Variants in FAM167A observed in about 807,000 individuals in gnomAD.
The protein encoded by FAM167A is family with sequence similarity 167 member A.
In FAM167A, 23 loss-of-function variants were observed where a neutral mutation model predicts 14.9. The observed-to-expected ratio is 1.55, with a 90% CI of 1.11 to 2.19. The LOEUF (loss-of-function observed/expected upper bound fraction) is 2.19. Among genes scored for constraint, FAM167A ranks in the 30% most tolerant of loss-of-function variants. The probability of loss-of-function intolerance (pLI) is 0.00; values close to 1 mark genes in which losing one functional copy is unlikely to be tolerated. For synonymous variants in FAM167A, 174 were observed against 117.7 expected (o/e 1.48, Z -3.10); for missense variants, 401 against 281.5 (o/e 1.42, Z -3.04).
chr8:11,438,737 G>C (rs1328969021), intron 2 of FAM167A: 5 of 352,948 alleles, frequency 1.4e-5, no homozygotes, highest in African/African-American at 1.1e-4. Context: ...AATAGAACAG[G>C]AATCTTCCTC....
chr8:11,421,771 C>T lies in FAM167A; in HGVS notation c.*2602G>A. On this transcript the variant is annotated 3_prime_UTR_variant, in exon 3 of 3. Coordinates refer to ENST00000284486, the MANE Select transcript of FAM167A (RefSeq NM_053279.3). ...TACACCCAGCGATGCTTGGGGATGGCAGAGAGATGGATGGATAATGAGTAC... is the reference window on the plus strand; with the variant it reads ...TACACCCAGCGATGCTTGGGGATGGTAGAGAGATGGATGGATAATGAGTAC... The T allele has an allele frequency of 1.5e-5, 6 of 398,894 alleles. No homozygotes were observed. The highest frequency in any genetic ancestry group is 1.3e-3 in the Middle Eastern group (2 of 1,588). The allele number at this position is 398,894 out of a possible 1,614,324, so 24.7% of individuals were successfully genotyped here.
At position 11,473,834 on chromosome 8, in the gene FAM167A, G is replaced by C. The variant is rs151004188; in HGVS notation, c.-398+2032C>G. The stretch of plus-strand genomic sequence containing the variant: ...GACAGGGAGTAGCACACAGGGAATG[G>C]TGGTTTTTTTGTTTGTTTCTTTTTC... On this transcript the variant is annotated intron_variant, in intron 1 of 1. Transcript: ENST00000648766. Among the ~76,000 whole-genome samples, 5 of 152,138 alleles carry C rather than the reference G, an allele frequency of 3.3e-5. No individual in the cohort carries two copies. The East Asian group carries it at 9.7e-4, about 29-fold the overall frequency.
chr8:11,443,942 TG>T, intron 2 of FAM167A, 88 bp downstream of exon 2: 1 of 1,429,634 alleles, frequency 7.0e-7, no homozygotes. Flanking sequence ...ATGGTGGGGG[TG>T]GGGAGACAGA....
Position 11,461,128 on chromosome 8 carries a change from C to T in FAM167A, c.-398+5498G>A, listed in dbSNP as rs146862731. 7.1e-3 allele frequency among the ~76,000 whole-genome samples: 1,084 copies of T among 152,284 alleles called. 13 individuals are homozygous for T. The highest frequency in any genetic ancestry group is 0.025 in the African/African-American group (1,035 of 41,562). ...GAGCCACAGATCTAATTTATGGGCTCCCTGCAAGGCGGGGAGAAAGCCCAG... is the reference window on the plus strand; with the variant it reads ...GAGCCACAGATCTAATTTATGGGCTTCCTGCAAGGCGGGGAGAAAGCCCAG... On this transcript the variant is annotated intron_variant, in intron 1 of 2. Coordinates refer to ENST00000284486, the MANE Select transcript of FAM167A (RefSeq NM_053279.3).
upstream of FAM167A, among the ~76,000 whole-genome samples, chr8:11,472,182 GT>G (rs1179804119): frequency 2.0e-5 from 3 of 152,152 alleles, no homozygotes; most frequent in Non-Finnish European, 4.4e-5. Context: ...TTTCTTGCTG[GT>G]TTGTTTAAGG....
intron 1 of FAM167A, among the ~76,000 whole-genome samples, chr8:11,457,637 C>G (rs1807386061): frequency 6.6e-6 from 1 of 152,158 alleles, no homozygotes; most frequent in Non-Finnish European, 1.5e-5. Flanking sequence ...GCTCAGGAAA[C>G]TTGCTGAGTA....
In FAM167A at chr8:11,438,468, A is replaced by T. The variant is rs1384090013; in HGVS notation, c.381+5563T>A. On this transcript the variant is annotated intron_variant, in intron 2 of 2. Coordinates refer to ENST00000284486, the MANE Select transcript of FAM167A (RefSeq NM_053279.3). ...TATGCTACAGAAGTACAAGGTGAAG[A>T]ATGCATACCGATTACATTGGCAAGG... 3 of 457,300 alleles carry T rather than the reference A, an allele frequency of 6.6e-6. No homozygotes were observed. The Admixed American group carries it at 7.0e-5, about 11-fold the overall frequency. 28.3% of individuals were successfully genotyped at this position (457,300 alleles called of 1,614,324 possible). A position where few individuals can be genotyped will look rare whatever the true frequency, so the allele number is the denominator to read the frequency against.
chr8:11,456,115 T>G (rs1384426703), intron 1 of FAM167A, among the ~76,000 whole-genome samples: 2 of 34,316 alleles, frequency 5.8e-5, no homozygotes, highest in African/African-American at 2.4e-4. Context: ...TGTGTGTGAA[T>G]GTGGGAGGTG....
At chr8:11,430,476 G>A (rs935741129) in intron 2 of FAM167A, among the ~76,000 whole-genome samples, 3 of 152,206 alleles carry the variant, frequency 2.0e-5, no homozygotes, top group Non-Finnish European at 4.4e-5. Context: ...AAAATTATAC[G>A]TGATGATGGT....
intron 1 of FAM167A, among the ~76,000 whole-genome samples, chr8:11,463,134 G>A (rs1305371491): frequency 2.6e-5 from 4 of 152,182 alleles, no homozygotes. Context: ...TTTGCTCTGA[G>A]GCTGCTTTCA....
At chr8:11,452,278 T>C (rs1807058628) in intron 1 of FAM167A, among the ~76,000 whole-genome samples, 1 of 152,350 alleles carries the variant, frequency 6.6e-6, no homozygotes, top group East Asian at 1.9e-4. Flanking sequence ...TGAGTGAATT[T>C]ATCCTTGCTC....
intron 1 of FAM167A, among the ~76,000 whole-genome samples, chr8:11,447,040 C>G (rs1294395879): frequency 1.3e-5 from 2 of 152,228 alleles, no homozygotes; most frequent in African/African-American, 2.4e-5. Context: ...CCACCCCCTC[C>G]CCCACCAGCA....
chr8:11,449,127 C>T (rs1347240689), intron 1 of FAM167A, among the ~76,000 whole-genome samples: 4 of 152,200 alleles, frequency 2.6e-5, no homozygotes, highest in East Asian at 3.8e-4. Flanking sequence ...ACAGTCAGAC[C>T]GCGAGGAGTT....
chr8:11,424,068 G>T lies in FAM167A; in HGVS notation c.*305C>A. 3.2e-6 allele frequency: 1 copy of T among 309,020 alleles called. No individual in the cohort carries two copies. The allele number at this position is 309,020 out of a possible 1,614,324, so 19.1% of individuals were successfully genotyped here. A position where few individuals can be genotyped will look rare whatever the true frequency, so the allele number is the denominator to read the frequency against. ...TAGCACCAGTGATTCCAGGAAACAG[G>T]AACGTGACCGTGGAGGGATGGATTA... On this transcript the variant is annotated 3_prime_UTR_variant, in exon 3 of 3. Coordinates refer to ENST00000284486, the MANE Select transcript of FAM167A (RefSeq NM_053279.3).
chr8:11,452,125 C>T (rs565927923), intron 1 of FAM167A, among the ~76,000 whole-genome samples: 75 of 152,276 alleles, frequency 4.9e-4, no homozygotes, highest in Admixed American at 1.2e-3. Context: ...TGTGCGACCT[C>T]CCATTGAGAA....
chr8:11,446,615 T>A (rs1806795850), intron 1 of FAM167A: 2 of 152,198 alleles, frequency 1.3e-5, no homozygotes, highest in African/African-American at 4.8e-5. Context: ...AGTCTCATTT[T>A]CTTCATCTGT....
intron 1 of FAM167A, among the ~76,000 whole-genome samples, chr8:11,450,216 G>C (rs533727915): frequency 2.6e-5 from 4 of 152,320 alleles, no homozygotes; most frequent in Non-Finnish European, 5.9e-5. Context: ...ATTTTCTCCT[G>C]GGGGAAGTTT....
At chr8:11,474,118 G>T (rs1472459909) in intron 1 of FAM167A, among the ~76,000 whole-genome samples, 1 of 152,024 alleles carries the variant, frequency 6.6e-6, no homozygotes, top group African/African-American at 2.4e-5. Context: ...CAGGTGATCC[G>T]CCTGCCTTGG....
chr8:11,447,723 G>C (rs1422104293), intron 1 of FAM167A, among the ~76,000 whole-genome samples: 4 of 152,226 alleles, frequency 2.6e-5, no homozygotes, highest in African/African-American at 9.6e-5. Flanking sequence ...TTCTACTCTG[G>C]AGAGTGTGGG....
Sources: gnomAD v4.1 joint callset for allele counts (sites outside exome capture counted in the v4.1 genomes callset) on GRCh38, gnomAD v4.1.1 for gene constraint, MANE v1.5 for transcripts, NCBI Gene and HGNC (gene_info 2026-07-23, HGNC 2026-07-21) for gene names.